Variants in EEPD1 observed in about 807,000 individuals in gnomAD.
EEPD1 encodes the protein endonuclease/exonuclease/phosphatase family domain-containing protein 1.
Under a neutral mutation model 46.3 loss-of-function variants are expected in EEPD1, and 17 were observed. The observed-to-expected ratio is 0.37, with a 90% CI of 0.25 to 0.55. EEPD1 has a LOEUF of 0.55. Ranked by LOEUF, EEPD1 falls within the 20% of genes least tolerant of loss-of-function variation. The pLI, the probability that EEPD1 is intolerant of heterozygous loss-of-function variation, is 0.83. For synonymous variants in EEPD1, 313 were observed against 315.6 expected, an observed-to-expected ratio of 0.99 and a Z score of 0.09; for missense variants, 673 against 745.6, an observed-to-expected ratio of 0.90 and a Z score of 1.13.
intron 2 of EEPD1, among the ~76,000 whole-genome samples, chr7:36,221,428 G>T (rs761592010): frequency 6.6e-6 from 1 of 152,266 alleles, no homozygotes; most frequent in Non-Finnish European, 1.5e-5. Flanking sequence ...AATATTCTTT[G>T]TACTTCTTTA....
chr7:36,221,137 G>T (rs1193549477), intron 2 of EEPD1, among the ~76,000 whole-genome samples: 1 of 152,214 alleles, frequency 6.6e-6, no homozygotes, highest in African/African-American at 2.4e-5. Flanking sequence ...AATTATCAAG[G>T]TAGTAATTTT....
chr7:36,267,948 T>C (rs577334493), intron 3 of EEPD1, among the ~76,000 whole-genome samples: 2 of 152,264 alleles, frequency 1.3e-5, no homozygotes, highest in East Asian at 3.9e-4. Context: ...AGGAAGAAGG[T>C]GACCATCTGC....
Position 36,284,764 on chromosome 7 carries a change from C to A in EEPD1, c.1120C>A (p.Pro374Thr). Reference protein sequence around the residue: ...LRDAGSQESSPSNGHGKLAGP... With the variant: ...LRDAGSQESSTSNGHGKLAGP... ...AGACGCGGGTTCACAGGAGAGCTCG[C>A]CAAGCAACGGGCACGGGAAGCTGGC... Residue 374 changes from proline (P) to threonine (T), a missense_variant, in exon 5 of 8, where the codon CCA (proline) becomes ACA (threonine). Transcript: ENST00000242108. 1 of 1,599,466 alleles carries A rather than the reference C, an allele frequency of 6.3e-7. No homozygotes were observed. Among genetic ancestry groups the A allele is most frequent in the South Asian group, 1.1e-5 (1 of 90,074 alleles).
intron 2 of EEPD1, among the ~76,000 whole-genome samples, chr7:36,167,059 G>A (rs554700649): frequency 1.1e-4 from 17 of 152,186 alleles, no homozygotes; most frequent in South Asian, 4.1e-4. Flanking sequence ...CTTTCCCTGC[G>A]TCTTCACATG....
intron 3 of EEPD1, among the ~76,000 whole-genome samples, chr7:36,264,996 A>G (rs1200976030): frequency 6.6e-6 from 1 of 152,190 alleles, no homozygotes; most frequent in Non-Finnish European, 1.5e-5. Context: ...GATTTGACAT[A>G]ATACAGATCA....
At chr7:36,198,287 G>C (rs1263696817) in intron 2 of EEPD1, among the ~76,000 whole-genome samples, 2 of 136,390 alleles carry the variant, frequency 1.5e-5, no homozygotes, top group Non-Finnish European at 3.0e-5. Context: ...TATGTGATCA[G>C]CCTATTGTAT....
At chr7:36,253,630 A>G (rs1210396915) in intron 3 of EEPD1, among the ~76,000 whole-genome samples, 2 of 152,150 alleles carry the variant, frequency 1.3e-5, no homozygotes, top group Non-Finnish European at 2.9e-5. Flanking sequence ...GTTATTAGCT[A>G]CACATATATT....
chr7:36,257,555 G>C (rs1020177489), intron 3 of EEPD1, among the ~76,000 whole-genome samples: 2 of 151,840 alleles, frequency 1.3e-5, no homozygotes, highest in African/African-American at 2.4e-5. Flanking sequence ...TTGTCTTCAC[G>C]CTTTATTTCA....
At chr7:36,169,273 T>C (rs913976372) in intron 2 of EEPD1, among the ~76,000 whole-genome samples, 2 of 152,226 alleles carry the variant, frequency 1.3e-5, no homozygotes, top group Non-Finnish European at 2.9e-5. Flanking sequence ...TTGTTTATTT[T>C]ATGTTAATTT....
intron 2 of EEPD1, among the ~76,000 whole-genome samples, chr7:36,211,122 C>G (rs1409761623): frequency 6.6e-6 from 1 of 152,230 alleles, no homozygotes; most frequent in Non-Finnish European, 1.5e-5. Flanking sequence ...TCATTCACCC[C>G]ACACCAGAAA....
At chr7:36,257,284 T>C (rs1786841726) in intron 3 of EEPD1, among the ~76,000 whole-genome samples, 1 of 152,144 alleles carries the variant, frequency 6.6e-6, no homozygotes, top group Admixed American at 6.5e-5. Flanking sequence ...TTAGTGAATC[T>C]GATGATTATG....
At chr7:36,166,365 T>TA (rs773581125) in intron 2 of EEPD1, among the ~76,000 whole-genome samples, 6 of 152,228 alleles carry the variant, frequency 3.9e-5, no homozygotes, top group Non-Finnish European at 7.3e-5. Flanking sequence ...TAAATTTTAT[T>TA]AAAAGCATTT....
At chr7:36,173,630 T>C (rs1328994548) in intron 2 of EEPD1, among the ~76,000 whole-genome samples, 1 of 152,096 alleles carries the variant, frequency 6.6e-6, no homozygotes, top group Non-Finnish European at 1.5e-5. Context: ...GAACTGTGAG[T>C]CAATTAAACC....
chr7:36,297,192 G>A lies in EEPD1; in HGVS notation c.1510+5G>A. 1.2e-6 allele frequency: 2 copies of A among 1,613,746 alleles called. No homozygotes were observed. The highest frequency in any genetic ancestry group is 2.2e-5 in the South Asian group (2 of 90,958). On this transcript the variant is annotated splice_donor_5th_base_variant and intron_variant, in intron 7 of 7. Transcript: ENST00000242108. ...GCTTAAAGAAGGTTTTCACAGGTGA[G>A]GCAGAACTCACTTGTCCTTTCTCCT...
chr7:36,184,762 G>A (rs936680159), intron 2 of EEPD1, among the ~76,000 whole-genome samples: 2 of 151,878 alleles, frequency 1.3e-5, no homozygotes, highest in East Asian at 1.9e-4. Flanking sequence ...ACAGGGTCTC[G>A]CTCTGTCACC....
chr7:36,171,455 T>G (rs1377333493), intron 2 of EEPD1, among the ~76,000 whole-genome samples: 2 of 152,238 alleles, frequency 1.3e-5, no homozygotes, highest in Admixed American at 1.3e-4. Flanking sequence ...TCAGACTTTA[T>G]CAGGCTTTGA....
chr7:36,226,587 A>G (rs2115756277), intron 2 of EEPD1, among the ~76,000 whole-genome samples: 1 of 152,338 alleles, frequency 6.6e-6, no homozygotes, highest in South Asian at 2.1e-4. Context: ...CACAAAGTAG[A>G]CCCAAAAGAG....
At chr7:36,262,531 G>A (rs1786944195) in intron 3 of EEPD1, among the ~76,000 whole-genome samples, 1 of 152,130 alleles carries the variant, frequency 6.6e-6, no homozygotes, top group South Asian at 2.1e-4. Context: ...CTTTGTCTTG[G>A]GATTTCATAT....
Position 36,239,110 on chromosome 7 carries a change from C to T in EEPD1, c.930+74C>T, listed in dbSNP as rs535549982. 13 of 1,434,546 alleles carry T rather than the reference C, an allele frequency of 9.1e-6. No individual in the cohort carries two copies. The African/African-American group carries it at 1.8e-4, about 20-fold the overall frequency. The allele number at this position is 1,434,546 out of a possible 1,614,324, so 88.9% of individuals were successfully genotyped here. A position where few individuals can be genotyped will look rare whatever the true frequency, so the allele number is the denominator to read the frequency against. On this transcript the variant is annotated intron_variant, in intron 3 of 7. Transcript: ENST00000242108. ...CCACACATAAGAAAAATTCAACTCCCTGTCACCAGAGACAGCCCCTACTGA... is the reference window on the plus strand; with the variant it reads ...CCACACATAAGAAAAATTCAACTCCTTGTCACCAGAGACAGCCCCTACTGA...
Sources: gnomAD v4.1 joint callset for allele counts (sites outside exome capture counted in the v4.1 genomes callset) on GRCh38, gnomAD v4.1.1 for gene constraint, MANE v1.5 for transcripts, NCBI Gene and HGNC (gene_info 2026-07-23, HGNC 2026-07-21) for gene names.